The following COL19A1 variants were observed in gnomAD, a reference collection of about 807,000 sequenced individuals.
The protein encoded by COL19A1 is collagen alpha-1(XIX) chain.
A neutral mutation model predicts 190.2 loss-of-function variants in COL19A1; 159 were observed. That is an observed-to-expected ratio of 0.84 (90% CI 0.73 to 0.95). The LOEUF is 0.95. COL19A1 is among the 40% of genes least tolerant of loss of function. COL19A1 has a pLI of 0.00. For synonymous variants in COL19A1, 509 were observed against 458.9 expected (o/e 1.11, Z -1.39); for missense variants, 1,418 against 1,431.9 (o/e 0.99, Z 0.16).
At position 69,932,864 on chromosome 6, in the gene COL19A1, G is replaced by A. The variant is rs1262607614; in HGVS notation, c.747+1G>A. The A allele has an allele frequency of 6.3e-7, 1 of 1,588,530 alleles. No homozygotes were observed. The highest frequency in any genetic ancestry group is 8.6e-7 in the Non-Finnish European group (1 of 1,160,732). ...ATGTTGTGAAATATCAGATACTAAG[G>A]TAAGTTAATTTTCTTTGCATATGAA... On this transcript the variant is annotated splice_donor_variant, in intron 7 of 50. Transcript: ENST00000620364. LOFTEE classifies it high-confidence loss of function.
chr6:70,085,914 T>A (rs1782558802), intron 15 of COL19A1, among the ~76,000 whole-genome samples: 2 of 152,190 alleles, frequency 1.3e-5, no homozygotes, highest in South Asian at 4.1e-4. Flanking sequence ...GCTGGATAAA[T>A]TGAAATGCTG....
intron 19 of COL19A1, among the ~76,000 whole-genome samples, 186 bp downstream of exon 19, chr6:70,137,933 T>C (rs1301275842): frequency 2.6e-5 from 4 of 152,156 alleles, no homozygotes; most frequent in African/African-American, 9.7e-5. Context: ...ACACACTTAA[T>C]CCATAAAAAG....
intron 19 of COL19A1, among the ~76,000 whole-genome samples, chr6:70,139,626 A>G (rs767630625): frequency 3.2e-4 from 49 of 152,048 alleles, no homozygotes; most frequent in Non-Finnish European, 6.0e-4. Flanking sequence ...TTTACTTTGC[A>G]TAATAATCAG....
At chr6:70,074,683 A>G (rs1227788692) in intron 15 of COL19A1, among the ~76,000 whole-genome samples, 1 of 152,130 alleles carries the variant, frequency 6.6e-6, no homozygotes, top group African/African-American at 2.4e-5. Context: ...TGAATTTTAG[A>G]GAGGAGTCTT....
chr6:70,111,881 T>A (rs537242935), intron 16 of COL19A1, among the ~76,000 whole-genome samples: 6 of 152,292 alleles, frequency 3.9e-5, no homozygotes, highest in African/African-American at 1.4e-4. Context: ...CTGCCCAGAA[T>A]GTCCCCAGCT....
chr6:70,031,648 C>G (rs1240498659), intron 12 of COL19A1, among the ~76,000 whole-genome samples: 1 of 152,114 alleles, frequency 6.6e-6, no homozygotes, highest in Admixed American at 6.6e-5. Context: ...ATTTTGTTTT[C>G]TTATGGCTTA....
At chr6:70,143,283 G>A (rs1270689091) in intron 23 of COL19A1, among the ~76,000 whole-genome samples, 1 of 152,136 alleles carries the variant, frequency 6.6e-6, no homozygotes, top group Non-Finnish European at 1.5e-5. Context: ...CTAAAAGTAT[G>A]TCTGGAGGAA....
intron 41 of COL19A1, among the ~76,000 whole-genome samples, chr6:70,175,116 T>C (rs763511116): frequency 6.6e-6 from 1 of 152,232 alleles, no homozygotes; most frequent in African/African-American, 2.4e-5. Flanking sequence ...GGGAAATTGA[T>C]GTGTATTGCC....
chr6:69,902,582 A>G (rs1472391333), intron 4 of COL19A1, among the ~76,000 whole-genome samples: 3 of 152,214 alleles, frequency 2.0e-5, no homozygotes, highest in Non-Finnish European at 2.9e-5. Flanking sequence ...ATCTCTGGAT[A>G]ACAACGCAGT....
At chr6:70,159,000 T>C (rs1787611256) in intron 34 of COL19A1, among the ~76,000 whole-genome samples, 1 of 152,080 alleles carries the variant, frequency 6.6e-6, no homozygotes, top group South Asian at 2.1e-4. Flanking sequence ...GAAAGGCTGA[T>C]GGGAATGATT....
At position 69,999,489 on chromosome 6, in the gene COL19A1, G is replaced by A. The variant is rs761219552; in HGVS notation, c.1027-24138G>A. On this transcript the variant is annotated intron_variant, in intron 11 of 50. Coordinates refer to ENST00000620364, the MANE Select transcript of COL19A1 (RefSeq NM_001858.6). ...GTCAAGGCTGCAGTGACCTGTGATC[G>A]TATCATTGCACTCCAGCCTGAGCAA... 2.6e-5 allele frequency among the ~76,000 whole-genome samples: 4 copies of A among 152,192 alleles called. No individual in the cohort carries two copies. The East Asian group carries it at 7.8e-4, about 30-fold the overall frequency.
chr6:70,070,026 T>C (rs1781454206), intron 15 of COL19A1, among the ~76,000 whole-genome samples: 1 of 152,144 alleles, frequency 6.6e-6, no homozygotes. Flanking sequence ...TAGGCTACCA[T>C]CTTTTCCACC....
rs1290268844 is a variant in COL19A1 at position 70,130,157 on chromosome 6, A to G, written c.1342-25A>G. The G allele has an allele frequency of 1.9e-6, 3 of 1,610,178 alleles. No individual in the cohort carries two copies. The Admixed American group carries it at 5.1e-5, about 27-fold the overall frequency. ...AAAAATTAGCGGATTTTTCTTTTGT[A>G]TTTTAAATTGTTTTTCACCCCTAGG... is the stretch of plus-strand genomic sequence containing the variant. On this transcript the variant is annotated intron_variant, in intron 17 of 50. Transcript: ENST00000620364.
intron 34 of COL19A1, among the ~76,000 whole-genome samples, chr6:70,159,231 G>A: frequency 6.6e-6 from 1 of 151,408 alleles, no homozygotes; most frequent in East Asian, 1.9e-4. Flanking sequence ...GGTATTTTGA[G>A]GTAAAGAAAT....
chr6:69,970,063 T>C (rs1775333666), intron 11 of COL19A1, among the ~76,000 whole-genome samples: 1 of 152,080 alleles, frequency 6.6e-6, no homozygotes, highest in Non-Finnish European at 1.5e-5. Context: ...AGTAGGAAAA[T>C]AGATTCCACC....
intron 14 of COL19A1, among the ~76,000 whole-genome samples, chr6:70,053,358 T>C (rs1399923585): frequency 6.6e-6 from 1 of 152,190 alleles, no homozygotes; most frequent in Non-Finnish European, 1.5e-5. Flanking sequence ...TAGTGACTGG[T>C]AAATTGAAAA....
At chr6:69,948,398 A>G (rs549272984) in intron 9 of COL19A1, among the ~76,000 whole-genome samples, 2 of 151,946 alleles carry the variant, frequency 1.3e-5, no homozygotes, top group East Asian at 3.9e-4. Flanking sequence ...TAACACTCCA[A>G]AATGACAGCC....
intron 13 of COL19A1, 109 bp downstream of exon 13, chr6:70,034,407 A>G (rs1779233912): frequency 2.5e-6 from 2 of 815,740 alleles, no homozygotes; most frequent in Non-Finnish European, 4.2e-6. Flanking sequence ...TCTAAAATTA[A>G]CCAAAAGCTG....
chr6:70,106,964 G>GGAGAAT (rs1562179334), intron 16 of COL19A1, among the ~76,000 whole-genome samples: 1 of 152,202 alleles, frequency 6.6e-6, no homozygotes, highest in Non-Finnish European at 1.5e-5. Flanking sequence ...AAGCAGACCA[G>GGAGAAT]GAGAATGTAT....
Sources: allele counts gnomAD v4.1 joint callset (sites outside exome capture counted in the v4.1 genomes callset), GRCh38; gene constraint gnomAD v4.1.1; transcripts MANE v1.5; gene names NCBI Gene and HGNC (gene_info 2026-07-23, HGNC 2026-07-21).